Variants in NCOR2 observed in about 807,000 individuals in gnomAD.
The protein encoded by NCOR2 is CTG repeat protein 26.
Under a neutral mutation model 262.9 loss-of-function variants are expected in NCOR2, and 81 were observed. That is an observed-to-expected ratio of 0.31 (90% CI 0.26 to 0.37). NCOR2 has a LOEUF of 0.37. NCOR2 is among the 10% of genes least tolerant of loss of function. The pLI is 1.00. For synonymous variants in NCOR2, 1,659 were observed against 1,559.3 expected (o/e 1.06, Z -1.51); for missense variants, 3,385 against 3,621.4 (o/e 0.93, Z 1.68).
intron 32 of NCOR2, among the ~76,000 whole-genome samples, chr12:124,344,163 G>A (rs933577268): frequency 6.6e-6 from 1 of 152,200 alleles, no homozygotes; most frequent in Non-Finnish European, 1.5e-5. Context: ...AGAGAAAGAG[G>A]GCCCAGGGGC....
chr12:124,511,232 A>G (rs1222521021), intron 1 of NCOR2, among the ~76,000 whole-genome samples: 1 of 152,148 alleles, frequency 6.6e-6, no homozygotes, highest in Non-Finnish European at 1.5e-5. Flanking sequence ...AGTGTCCCAA[A>G]TATCAGGTAA....
chr12:124,355,345 GC>G, intron 24 of NCOR2, 86 bp downstream of exon 26: 1 of 1,496,476 alleles, frequency 6.7e-7, no homozygotes. Context: ...CGAGAGCCTG[GC>G]CCCCACTCAG....
chr12:124,375,549 A>T (rs1023290881), intron 18 of NCOR2, among the ~76,000 whole-genome samples: 1 of 152,218 alleles, frequency 6.6e-6, no homozygotes, highest in African/African-American at 2.4e-5. Flanking sequence ...TTTGTGCAGC[A>T]TCTGACACAC....
chr12:124,342,100 G>T (rs1170074875), intron 33 of NCOR2, 26 bp from the exon 36 acceptor site: 1 of 1,590,062 alleles, frequency 6.3e-7, no homozygotes, highest in Non-Finnish European at 8.6e-7. Context: ...GAGCTCATGT[G>T]AGGCCAGCCA....
chr12:124,500,513 G>A (rs2048642693), intron 1 of NCOR2, among the ~76,000 whole-genome samples: 1 of 152,186 alleles, frequency 6.6e-6, no homozygotes, highest in Admixed American at 6.5e-5. Flanking sequence ...TGTCCGCCTT[G>A]CCTCCTGCTG....
intron 41 of NCOR2, among the ~76,000 whole-genome samples, chr12:124,333,945 G>A (rs12829201): frequency 7.0e-6 from 1 of 142,366 alleles, no homozygotes; most frequent in African/African-American, 2.7e-5. Context: ...CATGTGTGTG[G>A]GTGTGCACGT....
intron 44 of NCOR2, chr12:124,329,074 C>T (rs763432005): frequency 3.0e-5 from 14 of 469,130 alleles, no homozygotes; most frequent in Non-Finnish European, 4.4e-5. Flanking sequence ...CCAGGCTTAA[C>T]GATCTCCATT....
chr12:124,387,436 G>A (rs1252782561), intron 16 of NCOR2, among the ~76,000 whole-genome samples: 12 of 152,224 alleles, frequency 7.9e-5, no homozygotes, highest in Admixed American at 6.5e-4. Context: ...TCCCCAGGAG[G>A]GGGAAATCTC....
intron 39 of NCOR2, 47 bp from the exon 42 acceptor site, chr12:124,335,327 G>A (rs1433668922): frequency 1.2e-5 from 19 of 1,520,678 alleles, no homozygotes; most frequent in Non-Finnish European, 1.7e-5. Context: ...TGGCCCCAGG[G>A]CTGCTGGGCC....
intron 10 of NCOR2, among the ~76,000 whole-genome samples, chr12:124,429,130 G>T (rs1384655014): frequency 6.6e-6 from 1 of 152,264 alleles, no homozygotes; most frequent in Non-Finnish European, 1.5e-5. Flanking sequence ...AGAAGGTCGT[G>T]GCTGCGTGGA....
At position 124,549,883 on chromosome 12, in the gene NCOR2, C is replaced by A. The variant is rs2051659885; in HGVS notation, c.-164-14272G>T. 6.6e-6 allele frequency among the ~76,000 whole-genome samples: 1 copy of A among 152,138 alleles called. No individual in the cohort carries two copies. Among genetic ancestry groups the A allele is most frequent in the African/African-American group, 2.4e-5 (1 of 41,416 alleles). On this transcript the variant is annotated intron_variant, in intron 1 of 32. Transcript: ENST00000458234. The surrounding 1 kb of genome is among the most constrained non-coding windows in gnomAD (Gnocchi z 4.4). ...GTGTCACGCCTGCCTAGGGGAAGTA[C>A]ACGCTAGGTACTTATGGCAAGTATG...
chr12:124,372,133 C>T (rs1248481207), exon 20 of NCOR2: 2 of 1,601,614 alleles, frequency 1.2e-6, no homozygotes, highest in South Asian at 1.1e-5. Flanking sequence ...CCTGCCGCTC[C>T]CGCCCTCCTT....
chr12:124,527,421 T>A (rs561954840), intron 1 of NCOR2, among the ~76,000 whole-genome samples: 2 of 152,172 alleles, frequency 1.3e-5, no homozygotes, highest in Admixed American at 1.3e-4. Flanking sequence ...TAATTTTTTA[T>A]TTATTTTTTT....
At chr12:124,341,428 C>T (rs886315232) in intron 34 of NCOR2, among the ~76,000 whole-genome samples, 17 of 152,072 alleles carry the variant, frequency 1.1e-4, no homozygotes, top group South Asian at 6.2e-4. Context: ...TTAGGAGAGA[C>T]GGGTTTCACC....
rs541195413 is a variant in NCOR2 at position 124,394,601 on chromosome 12, A to C, written c.1876+3518T>G. Among the ~76,000 whole-genome samples, 3 of 152,334 alleles carry C rather than the reference A, an allele frequency of 2.0e-5. No homozygotes were observed. In the South Asian group the frequency reaches 6.2e-4, roughly 32 times the overall value. ...ATGTGGACAGAGACACGCAGGGAGA[A>C]AGGCACACAAAGACAAAGGCAGAGC... On this transcript the variant is annotated intron_variant, in intron 16 of 46. Transcript: ENST00000405201.
intron 17 of NCOR2, among the ~76,000 whole-genome samples, chr12:124,384,418 T>C (rs2040639741): frequency 6.6e-6 from 1 of 152,134 alleles, no homozygotes; most frequent in Non-Finnish European, 1.5e-5. Context: ...GGGGCCAATG[T>C]GGAGGGCACG....
intron 1 of NCOR2, chr12:124,513,890 G>C (rs113126684): frequency 7.2e-5 from 11 of 152,300 alleles, no homozygotes; most frequent in Middle Eastern, 3.4e-3. Context: ...ACTTTTCCTG[G>C]TTTTCCAAAT....
Position 124,354,817 on chromosome 12 carries a change from G to A in NCOR2, c.3484+20C>T, listed in dbSNP as rs762957524. 8 of 1,607,672 alleles carry A rather than the reference G, an allele frequency of 5.0e-6. No individual in the cohort carries two copies. Among genetic ancestry groups the A allele is most frequent in the African/African-American group, 4.0e-5 (3 of 74,706 alleles). On this transcript the variant is annotated intron_variant, in intron 25 of 46. Coordinates refer to ENST00000405201, the Ensembl canonical transcript of NCOR2. Reference sequence around the variant, plus strand: ...AGAGCCCAGCCTGAGCCACCCAGACGGATGGGCCAGGAGCCTTACCCAGCT... The same window carrying A: ...AGAGCCCAGCCTGAGCCACCCAGACAGATGGGCCAGGAGCCTTACCCAGCT...
chr12:124,431,159 GAC>G (rs771482707), intron 8 of NCOR2, among the ~76,000 whole-genome samples: 53 of 141,524 alleles, frequency 3.7e-4, no homozygotes, highest in Admixed American at 6.2e-4. Context: ...TGCAGTCACA[GAC>G]ACACACAGAT....
Sources: gnomAD v4.1 joint callset for allele counts (sites outside exome capture counted in the v4.1 genomes callset) on GRCh38, gnomAD v4.1.1 for gene constraint, Gnocchi (gnomAD v3.1) non-coding constraint, MANE v1.5 for transcripts, NCBI Gene and HGNC (gene_info 2026-07-23, HGNC 2026-07-21) for gene names.